Variants in TACC2 observed in about 807,000 individuals in gnomAD.
The protein encoded by TACC2 is transforming acidic coiled-coil containing protein 2, also known as transforming acidic coiled-coil-containing protein 2.
TACC2 carries 137 observed loss-of-function variants against 227.3 expected under a neutral mutation model. The observed-to-expected ratio is 0.60, with a 90% confidence interval of 0.52 to 0.69. TACC2 has a LOEUF of 0.69. Among genes scored for constraint, TACC2 ranks in the 30% least tolerant of loss-of-function variants. The pLI is 0.00. For missense variants in TACC2, 3,470 were observed against 3,694.4 expected, an observed-to-expected ratio of 0.94 and a Z score of 1.57; for synonymous variants, 1,523 against 1,487.5, an observed-to-expected ratio of 1.02 and a Z score of -0.55.
intron 2 of TACC2, among the ~76,000 whole-genome samples, chr10:122,029,967 A>C (rs1958737204): frequency 6.6e-6 from 1 of 152,016 alleles, no homozygotes; most frequent in African/African-American, 2.4e-5. Context: ...GACATTTAGC[A>C]ATGTCTCAGG....
At chr10:121,999,688 G>T (rs1015843332) in intron 1 of TACC2, among the ~76,000 whole-genome samples, 1 of 152,200 alleles carries the variant, frequency 6.6e-6, no homozygotes, top group African/African-American at 2.4e-5. Context: ...TAAACAGAGA[G>T]ACTTGGGTTG....
At chr10:122,053,857 G>A (rs1442223134) in intron 3 of TACC2, among the ~76,000 whole-genome samples, 2 of 152,172 alleles carry the variant, frequency 1.3e-5, no homozygotes, top group African/African-American at 2.4e-5. Context: ...GTGGGAAGAC[G>A]CATTGACCTG....
intron 5 of TACC2, among the ~76,000 whole-genome samples, chr10:122,121,999 G>T (rs1041000304): frequency 1.3e-5 from 2 of 152,174 alleles, no homozygotes; most frequent in African/African-American, 4.8e-5. Context: ...CAGGGTTCTC[G>T]CCATGGGTCT....
chr10:122,227,762 G>A (rs999356976), intron 13 of TACC2, 75 bp from the exon 14 acceptor site: 2 of 1,488,028 alleles, frequency 1.3e-6, no homozygotes, highest in Non-Finnish European at 1.8e-6. Flanking sequence ...TATTGACTTG[G>A]TCAGGGCATC....
intron 3 of TACC2, among the ~76,000 whole-genome samples, chr10:122,057,451 G>A (rs1252172183): frequency 1.3e-5 from 2 of 151,996 alleles, no homozygotes; most frequent in African/African-American, 4.8e-5. Flanking sequence ...AAAATCCTAA[G>A]CCCCCCATCC....
At chr10:122,114,052 A>G (rs916101699) in intron 5 of TACC2, among the ~76,000 whole-genome samples, 1 of 152,242 alleles carries the variant, frequency 6.6e-6, no homozygotes, top group Admixed American at 6.5e-5. Context: ...ATGCTGGGAC[A>G]GGAGAATGTG....
chr10:122,061,021 G>GT (rs1226188997), intron 3 of TACC2, among the ~76,000 whole-genome samples: 28 of 8,886 alleles, frequency 3.2e-3, no homozygotes, highest in African/African-American at 4.2e-3. Context: ...AAAAAAAAAG[G>GT]GGGGGGGGCC....
chr10:122,237,903 C>A, intron 17 of TACC2, 58 bp from the exon 18 acceptor site: 1 of 1,299,260 alleles, frequency 7.7e-7, no homozygotes, highest in Non-Finnish European at 1.1e-6. Flanking sequence ...CTATGAATTG[C>A]TCAGAGCTGA....
chr10:122,248,559 T>C (rs2096180912), intron 19 of TACC2, 84 bp from the exon 20 acceptor site: 1 of 1,533,762 alleles, frequency 6.5e-7, no homozygotes, highest in East Asian at 2.3e-5. Context: ...TGAGGCTGAG[T>C]TGCATCTGAG....
At chr10:122,239,335 A>G (rs988090543) in intron 18 of TACC2, among the ~76,000 whole-genome samples, 9 of 152,322 alleles carry the variant, frequency 5.9e-5, no homozygotes, top group South Asian at 4.1e-4. Context: ...ATCAAAATCA[A>G]TTGCATTCCT....
chr10:122,008,264 A>ATTATTTTTATTTTTT, intron 1 of TACC2, among the ~76,000 whole-genome samples: 4 of 134,654 alleles, frequency 3.0e-5, no homozygotes, highest in Non-Finnish European at 6.2e-5. Context: ...TATTATTATT[A>ATTATTTTTATTTTTT]TTTTTTTTTT....
At chr10:122,252,360 A>T (rs945292442) in intron 22 of TACC2, among the ~76,000 whole-genome samples, 20 of 152,232 alleles carry the variant, frequency 1.3e-4, no homozygotes, top group African/African-American at 4.8e-4. Flanking sequence ...CTATTGAGGG[A>T]ACCAGGGGAG....
intron 8 of TACC2, among the ~76,000 whole-genome samples, chr10:122,201,765 G>A (rs913519692): frequency 1.3e-5 from 2 of 152,188 alleles, no homozygotes; most frequent in Non-Finnish European, 2.9e-5. Flanking sequence ...ACCAAGCACC[G>A]CAGGTGTTGT....
chr10:122,218,302 G>A (rs1365127308), intron 11 of TACC2, among the ~76,000 whole-genome samples: 4 of 152,130 alleles, frequency 2.6e-5, no homozygotes, highest in South Asian at 2.1e-4. Context: ...CACATGTGAA[G>A]GTCTGGTCTC....
intron 7 of TACC2, among the ~76,000 whole-genome samples, chr10:122,193,699 T>C (rs994848389): frequency 1.3e-5 from 2 of 152,200 alleles, no homozygotes; most frequent in African/African-American, 4.8e-5. Context: ...TCAGTCTGTT[T>C]AACCCTTCCA....
intron 19 of TACC2, 139 bp from the exon 20 acceptor site, chr10:122,248,503 TG>T: frequency 1.0e-6 from 1 of 978,270 alleles, no homozygotes; most frequent in Non-Finnish European, 1.6e-6. Context: ...CTCTGGGGCG[TG>T]GGTTCGTCCC....
intron 6 of TACC2, among the ~76,000 whole-genome samples, chr10:122,133,933 G>A (rs560044832): frequency 6.6e-5 from 10 of 152,174 alleles, no homozygotes; most frequent in African/African-American, 1.9e-4. Context: ...ACCAGATGAG[G>A]GGGGGACAGG....
chr10:122,029,294 A>G (rs1958635355), intron 2 of TACC2, among the ~76,000 whole-genome samples: 1 of 151,934 alleles, frequency 6.6e-6, no homozygotes, highest in Admixed American at 6.6e-5. Flanking sequence ...ATGTAATTGT[A>G]TGATCTTTCT....
chr10:122,195,234 G>C, intron 8 of TACC2, 58 bp downstream of exon 8: 1 of 1,482,606 alleles, frequency 6.7e-7, no homozygotes. Flanking sequence ...CCCTGGGGGA[G>C]ATTTGCAGCA....
Sources: gnomAD v4.1 joint callset for allele counts (sites outside exome capture counted in the v4.1 genomes callset) on GRCh38, gnomAD v4.1.1 for gene constraint, MANE v1.5 for transcripts, NCBI Gene and HGNC (gene_info 2026-07-23, HGNC 2026-07-21) for gene names.